TJAP1: variants seen among roughly 807,000 people sequenced by gnomAD.
The protein encoded by TJAP1 is tight junction-associated protein 1.
TJAP1 carries 27 observed loss-of-function variants against 42.0 expected under a neutral mutation model. That is an observed-to-expected ratio of 0.64 (90% CI 0.47 to 0.89). The LOEUF (loss-of-function observed/expected upper bound fraction) is 0.89, where lower values mean the gene tolerates loss of function less well. Among genes scored for constraint, TJAP1 ranks in the 40% least tolerant of loss-of-function variants. The pLI is 0.00. For synonymous variants in TJAP1, 257 were observed against 288.4 expected, an observed-to-expected ratio of 0.89 and a Z score of 1.10; for missense variants, 712 against 726.9, an observed-to-expected ratio of 0.98 and a Z score of 0.24.
chr6:43,480,598 G>A (rs1285650928), intron 2 of TJAP1, among the ~76,000 whole-genome samples: 4 of 151,980 alleles, frequency 2.6e-5, no homozygotes, highest in Admixed American at 6.6e-5. Flanking sequence ...CACTGCAACC[G>A]CCGCCTCCCA....
intron 2 of TJAP1, among the ~76,000 whole-genome samples, chr6:43,487,352 C>T (rs907681969): frequency 6.6e-6 from 1 of 152,130 alleles, no homozygotes; most frequent in Non-Finnish European, 1.5e-5. Flanking sequence ...CGGTGGTTGG[C>T]CTCTTTATAC....
chr6:43,499,258 TGGGGGTAATGTAGGCTCAAG>T, intron 4 of TJAP1, 158 bp downstream of exon 4: 1 of 1,106,838 alleles, frequency 9.0e-7, no homozygotes, highest in Non-Finnish European at 1.3e-6. Flanking sequence ...GTAGTGCAGG[TGGGGGTAATGTAGGCTCAAG>T]GGGGACTGTC....
rs141019165 is a variant in TJAP1 at position 43,479,043 on chromosome 6, G to A, written c.-122+811G>A. ...CCACTTTTGAAAAATATCAGTCTCAGTAGCCAAACTAAGCATGGCCTGAGA... is the reference window on the plus strand; with the variant it reads ...CCACTTTTGAAAAATATCAGTCTCAATAGCCAAACTAAGCATGGCCTGAGA... On this transcript the variant is annotated intron_variant, in intron 2 of 10. Transcript: ENST00000372449. 5.7e-3 allele frequency among the ~76,000 whole-genome samples: 862 copies of A among 152,282 alleles called. 6 individuals are homozygous for A. The highest frequency in any genetic ancestry group is 6.8e-3 in the Middle Eastern group (2 of 294).
At chr6:43,500,485 T>C (rs1053061208) in intron 4 of TJAP1, 5 of 507,930 alleles carry the variant, frequency 9.8e-6, no homozygotes, top group African/African-American at 3.8e-5. Context: ...CCAGGACTTA[T>C]TTGAAAATGG....
intron 4 of TJAP1, among the ~76,000 whole-genome samples, chr6:43,500,274 TC>T (rs1298444065): frequency 6.6e-6 from 1 of 152,190 alleles, no homozygotes; most frequent in Non-Finnish European, 1.5e-5. Context: ...CACTTGTTCT[TC>T]CTGAGCCTCT....
At chr6:43,482,901 A>G (rs1009915977) in intron 2 of TJAP1, among the ~76,000 whole-genome samples, 2 of 152,216 alleles carry the variant, frequency 1.3e-5, no homozygotes, top group African/African-American at 4.8e-5. Context: ...AGGTAGGTGA[A>G]TCACGAGATC....
intron 4 of TJAP1, among the ~76,000 whole-genome samples, chr6:43,499,970 A>G (rs1790146293): frequency 6.6e-6 from 1 of 152,250 alleles, no homozygotes; most frequent in African/African-American, 2.4e-5. Context: ...AAGGCTGTAT[A>G]ATCAGTATGC....
At chr6:43,503,767 C>G (rs763544872) in intron 10 of TJAP1, 61 bp downstream of exon 10, 2 of 1,439,650 alleles carry the variant, frequency 1.4e-6, no homozygotes, top group Non-Finnish European at 2.0e-6. Context: ...TAGGACTCCT[C>G]TAACTCCAGT....
chr6:43,506,160 TGGGGAGCTGAGGAGTTTATCA>T, exon 11 of TJAP1: 1 of 298,992 alleles, frequency 3.3e-6, no homozygotes, highest in South Asian at 1.6e-4. Flanking sequence ...TGGGCTTTTC[TGGGGAGCTGAGGAGTTTATCA>T]GTATTCATCT....
At chr6:43,482,385 C>T (rs1785506223) in intron 2 of TJAP1, among the ~76,000 whole-genome samples, 1 of 152,178 alleles carries the variant, frequency 6.6e-6, no homozygotes, top group South Asian at 2.1e-4. Flanking sequence ...ATGCCAACGA[C>T]CTCTGGGTGA....
intron 8 of TJAP1, chr6:43,503,007 G>T (rs546543567): frequency 2.2e-6 from 1 of 452,374 alleles, no homozygotes; most frequent in African/African-American, 2.0e-5. Context: ...ACCGCGCCCT[G>T]CTTCCTCTTC....
exon 4 of TJAP1, chr6:43,499,020 G>A (rs751348112): frequency 6.2e-7 from 1 of 1,614,020 alleles, no homozygotes; most frequent in Admixed American, 1.7e-5. Flanking sequence ...TGCCGCCCCT[G>A]CTAAGAAACC....
At chr6:43,489,768 G>GCA (rs1787394410) in intron 2 of TJAP1, 4 of 152,344 alleles carry the variant, frequency 2.6e-5, no homozygotes, top group Admixed American at 1.3e-4. Flanking sequence ...ATCTGGCATG[G>GCA]TTTCCGGATG....
At chr6:43,502,973 G>C in intron 8 of TJAP1, 2 of 472,436 alleles carry the variant, frequency 4.2e-6, no homozygotes, top group Non-Finnish European at 7.7e-6. Flanking sequence ...CTTGCTCCCT[G>C]CTCAACAAGG....
intron 2 of TJAP1, among the ~76,000 whole-genome samples, chr6:43,480,085 T>G (rs2127454780): frequency 6.6e-6 from 1 of 152,332 alleles, no homozygotes. Flanking sequence ...ATCAATCAAA[T>G]GTGGGTAGTA....
In TJAP1 at chr6:43,505,822, C is replaced by G. The variant is rs775054772; in HGVS notation, c.1641C>G (p.Thr547=). The change falls in exon 11 of 11, where the codon ACC becomes ACG. Residue 547 remains threonine, a synonymous_variant. Coordinates refer to ENST00000372449, the Ensembl canonical transcript of TJAP1. The surrounding 1 kb of genome is among the most constrained non-coding windows in gnomAD (Gnocchi z 5.5). ...ACCTGCACCGCAAGGACAGCCTGAC[C>G]CAGGCCCAGGAGCAGGGCAACCTGC... is the stretch of plus-strand genomic sequence containing the variant. 3.4e-6 allele frequency: 5 copies of G among 1,492,092 alleles called. No homozygotes were observed. In the East Asian group the frequency reaches 6.9e-5, roughly 21 times the overall value. The allele number at this position is 1,492,092 out of a possible 1,614,324, so 92.4% of individuals were successfully genotyped here.
At chr6:43,502,479 T>TG in intron 7 of TJAP1, 109 bp from the exon 8 acceptor site, 2 of 1,466,318 alleles carry the variant, frequency 1.4e-6, no homozygotes, top group Admixed American at 3.9e-5. Context: ...GTGGTGGGGG[T>TG]ACTGCAGTGT....
At chr6:43,486,332 C>T (rs576237504) in intron 2 of TJAP1, among the ~76,000 whole-genome samples, 10 of 146,058 alleles carry the variant, frequency 6.8e-5, no homozygotes, top group South Asian at 2.2e-4. Context: ...GAGGTGAGTA[C>T]GTACCAGTAG....
chr6:43,500,786 A>G lies in TJAP1; in HGVS notation c.128+14A>G. 1 of 1,613,716 alleles carries G rather than the reference A, an allele frequency of 6.2e-7. No homozygotes were observed. Among genetic ancestry groups the G allele is most frequent in the Non-Finnish European group, 8.5e-7 (1 of 1,179,630 alleles). On this transcript the variant is annotated intron_variant, in intron 5 of 10. Coordinates refer to ENST00000372449, the Ensembl canonical transcript of TJAP1. ...AGAAAGGATGAAGTGAGTATCTGCT[A>G]CCTGAGATACTGCCCTGCCTCAACT...
Sources: allele counts gnomAD v4.1 joint callset (sites outside exome capture counted in the v4.1 genomes callset), GRCh38; gene constraint gnomAD v4.1.1; non-coding constraint Gnocchi (gnomAD v3.1); transcripts MANE v1.5; gene names NCBI Gene and HGNC (gene_info 2026-07-23, HGNC 2026-07-21).